Variants in DOCK1 observed in about 807,000 individuals in gnomAD.
DOCK1 encodes the protein dedicator of cytokinesis protein 1.
DOCK1 carries 138 observed loss-of-function variants against 262.7 expected under a neutral mutation model. The ratio of observed to expected loss-of-function variants is 0.53; its 90% CI spans 0.46 to 0.61. The LOEUF (loss-of-function observed/expected upper bound fraction) is 0.61. Ranked by LOEUF, DOCK1 falls within the 20% of genes least tolerant of loss-of-function variation. DOCK1 has a pLI of 0.00. For synonymous variants in DOCK1, 866 were observed against 867.4 expected (o/e 1.00, Z 0.03); for missense variants, 1,908 against 2,370.7 (o/e 0.80, Z 4.05).
chr10:126,970,893 A>G, intron 2 of DOCK1, 108 bp downstream of exon 2: 1 of 1,247,310 alleles, frequency 8.0e-7, no homozygotes, highest in Non-Finnish European at 1.1e-6. Flanking sequence ...TAAGACAGTC[A>G]TGCTTCCTTC....
chr10:127,253,511 C>T (rs904814142), intron 28 of DOCK1, among the ~76,000 whole-genome samples: 2 of 152,092 alleles, frequency 1.3e-5, no homozygotes, highest in African/African-American at 4.8e-5. Context: ...CAGATTTCAC[C>T]AGTGTTTTAC....
intron 3 of DOCK1, among the ~76,000 whole-genome samples, chr10:126,978,543 A>G (rs76812801): frequency 0.021 from 3,177 of 152,290 alleles, 113 homozygotes; most frequent in African/African-American, 0.071. Context: ...GGGCACTCCC[A>G]TACACAATTC....
In DOCK1 at chr10:127,176,134, T is replaced by C; in HGVS notation, c.2847+48370T>C. On this transcript the variant is annotated intron_variant, in intron 27 of 51. Coordinates refer to ENST00000623213, the MANE Select transcript of DOCK1 (RefSeq NM_001290223.2). The surrounding 1 kb of genome is among the most constrained non-coding windows in gnomAD (Gnocchi z 4.4). The stretch of plus-strand genomic sequence containing the variant: ...ATGGACCTGCGTGCGGGCACTGTCA[T>C]GTATTTGCGGTAGGCTGCTCTGCAG... The C allele has an allele frequency of 6.2e-7, 1 of 1,614,114 alleles. No individual in the cohort carries two copies. The highest frequency in any genetic ancestry group is 8.5e-7 in the Non-Finnish European group (1 of 1,180,018).
rs1592123344 is a variant in DOCK1, at chr10:127,125,669, C to A, written c.2751+68C>A. 25 of 1,559,964 alleles carry A rather than the reference C, an allele frequency of 1.6e-5. No individual in the cohort carries two copies. In the East Asian group the frequency reaches 1.8e-4, roughly 11 times the overall value. On this transcript the variant is annotated intron_variant, in intron 26 of 51. Transcript: ENST00000623213. ...ACCTGCCATTTGCCTTGCAGTACAA[C>A]TTTATTCAGTTAAAAATGAAAGGTC...
chr10:127,420,841 CAAAA>C, intron 46 of DOCK1, among the ~76,000 whole-genome samples: 1 of 143,834 alleles, frequency 7.0e-6, no homozygotes, highest in South Asian at 2.3e-4. Flanking sequence ...GTCTAAAAAA[CAAAA>C]AAAAAAGGAA....
At chr10:127,062,698 C>T (rs1384627151) in intron 23 of DOCK1, among the ~76,000 whole-genome samples, 1 of 152,242 alleles carries the variant, frequency 6.6e-6, no homozygotes, top group Non-Finnish European at 1.5e-5. Flanking sequence ...CATTGCTTCT[C>T]TCTTTGCTGT....
intron 29 of DOCK1, among the ~76,000 whole-genome samples, chr10:127,338,789 T>G (rs549986290): frequency 2.0e-5 from 3 of 152,318 alleles, no homozygotes; most frequent in African/African-American, 7.2e-5. Context: ...TTTTGGTCTG[T>G]TTCTTTCATC....
intron 27 of DOCK1, among the ~76,000 whole-genome samples, chr10:127,206,207 A>G (rs1413967150): frequency 7.5e-6 from 1 of 132,808 alleles, no homozygotes; most frequent in African/African-American, 2.9e-5. Flanking sequence ...GCAGTGGTGC[A>G]AGCTCAGCTC....
intron 27 of DOCK1, among the ~76,000 whole-genome samples, chr10:127,228,698 C>T (rs373524955): frequency 3.3e-5 from 5 of 152,228 alleles, no homozygotes; most frequent in East Asian, 3.9e-4. Flanking sequence ...TTCTGTCAAA[C>T]GCAAAGCCAT....
At chr10:127,332,121 A>G (rs1230986354) in intron 29 of DOCK1, among the ~76,000 whole-genome samples, 4 of 152,224 alleles carry the variant, frequency 2.6e-5, no homozygotes, top group African/African-American at 9.6e-5. Flanking sequence ...TGCATCCAGC[A>G]CGTCACTCTG....
At chr10:127,259,325 C>T (rs1326739611) in intron 29 of DOCK1, among the ~76,000 whole-genome samples, 1 of 152,180 alleles carries the variant, frequency 6.6e-6, no homozygotes, top group East Asian at 1.9e-4. Flanking sequence ...TGGTCTTTTC[C>T]CTTTTTCTCT....
chr10:126,945,394 A>T (rs2134286870), intron 1 of DOCK1, among the ~76,000 whole-genome samples: 1 of 151,550 alleles, frequency 6.6e-6, no homozygotes, highest in East Asian at 1.9e-4. Flanking sequence ...TTGTCACAGC[A>T]GGTGAGTGGG....
rs2040140433 is a variant in DOCK1 at position 126,995,659 on chromosome 10, G to A, written c.474-1089G>A. 1.0e-5 allele frequency among the ~76,000 whole-genome samples: 1 copy of A among 95,256 alleles called. No homozygotes were observed. Among genetic ancestry groups the A allele is most frequent in the Admixed American group, 1.5e-4 (1 of 6,748 alleles). 62.5% of individuals were successfully genotyped at this position (95,256 alleles called of 152,430 possible). A position where few individuals can be genotyped will look rare whatever the true frequency, so the allele number is the denominator to read the frequency against. ...GAGAGGGAGAGGGAGACCGTGGAGA[G>A]GGAGAGGGAGACCGTGGAGAGGGAG... On this transcript the variant is annotated intron_variant, in intron 6 of 51. Coordinates refer to ENST00000623213, the MANE Select transcript of DOCK1 (RefSeq NM_001290223.2). The surrounding 1 kb of genome is among the most constrained non-coding windows in gnomAD (Gnocchi z 5.8).
rs147215176 is a variant in DOCK1 at position 127,078,918 on chromosome 10, G to A, written c.2445+17142G>A. On this transcript the variant is annotated intron_variant, in intron 23 of 51. Coordinates refer to ENST00000623213, the MANE Select transcript of DOCK1 (RefSeq NM_001290223.2). ...TACTTAAAGACAGCGTGTTGGGAGC[G>A]GTATATTGCTGTTGTTTTTGTCTTC... Among the ~76,000 whole-genome samples the A allele has an allele frequency of 5.4e-4, 82 of 152,134 alleles. 1 individual carries two copies. The highest frequency in any genetic ancestry group is 1.8e-3 in the African/African-American group (73 of 41,516).
chr10:127,283,631 G>T (rs957530229), intron 29 of DOCK1, among the ~76,000 whole-genome samples: 2 of 152,132 alleles, frequency 1.3e-5, no homozygotes, highest in African/African-American at 4.8e-5. Flanking sequence ...CATAATCATG[G>T]TGTAATATCA....
chr10:127,357,877 G>A lies in DOCK1; in HGVS notation c.3283+3150G>A, dbSNP rs75137435. On this transcript the variant is annotated intron_variant, in intron 32 of 51. Transcript: ENST00000623213. ...ATGGCTAAGGATAGCACCACGGGGTGGCCTCCTTCCTGCCATGGTGCCAGG... is the reference window on the plus strand; with the variant it reads ...ATGGCTAAGGATAGCACCACGGGGTAGCCTCCTTCCTGCCATGGTGCCAGG... Among the ~76,000 whole-genome samples the A allele has an allele frequency of 1.7e-3, 255 of 152,266 alleles. 1 individual carries two copies. Among genetic ancestry groups the A allele is most frequent in the African/African-American group, 6.0e-3 (248 of 41,542 alleles).
intron 1 of DOCK1, among the ~76,000 whole-genome samples, chr10:126,926,654 G>A (rs2033748483): frequency 6.6e-6 from 1 of 152,166 alleles, no homozygotes; most frequent in African/African-American, 2.4e-5. Flanking sequence ...GGATTAAGGT[G>A]GGCGTTTAAT....
chr10:127,427,769 C>T (rs999610878), intron 47 of DOCK1, among the ~76,000 whole-genome samples: 1 of 152,252 alleles, frequency 6.6e-6, no homozygotes, highest in African/African-American at 2.4e-5. Flanking sequence ...TATGATCACA[C>T]TGCATGCTCT....
chr10:127,101,876 G>A (rs1308397311), intron 23 of DOCK1, among the ~76,000 whole-genome samples: 3 of 152,202 alleles, frequency 2.0e-5, no homozygotes, highest in Non-Finnish European at 2.9e-5. Context: ...CGAGAGACCG[G>A]GAGACTGAGC....
Sources: gnomAD v4.1 joint callset for allele counts (sites outside exome capture counted in the v4.1 genomes callset) on GRCh38, gnomAD v4.1.1 for gene constraint, Gnocchi (gnomAD v3.1) non-coding constraint, MANE v1.5 for transcripts, NCBI Gene and HGNC (gene_info 2026-07-23, HGNC 2026-07-21) for gene names.